Variants in SCUBE1 observed in about 807,000 individuals in gnomAD.
The protein encoded by SCUBE1 is signal peptide, CUB domain and EGF like domain containing 1.
SCUBE1 carries 59 observed loss-of-function variants against 124.4 expected under a neutral mutation model. The observed-to-expected ratio is 0.47, with a 90% CI of 0.38 to 0.59. SCUBE1 has a LOEUF of 0.59. Ranked by LOEUF, SCUBE1 falls within the 20% of genes least tolerant of loss-of-function variation. The probability of loss-of-function intolerance (pLI) is 0.00; values close to 1 mark genes in which losing one functional copy is unlikely to be tolerated. For missense variants in SCUBE1, 1,150 were observed against 1,371.2 expected (o/e 0.84, Z 2.55); for synonymous variants, 545 against 550.9 (o/e 0.99, Z 0.15).
intron 6 of SCUBE1, among the ~76,000 whole-genome samples, chr22:43,254,965 A>C (rs1478427552): frequency 1.3e-5 from 2 of 152,150 alleles, no homozygotes; most frequent in African/African-American, 4.8e-5. Flanking sequence ...TTTTTCCCTG[A>C]GAGGTCCTGG....
chr22:43,263,455 T>C (rs1022704411), intron 4 of SCUBE1, among the ~76,000 whole-genome samples: 2 of 152,206 alleles, frequency 1.3e-5, no homozygotes, highest in African/African-American at 2.4e-5. Context: ...CCACCAGCTC[T>C]GTGACCTGCC....
intron 6 of SCUBE1, among the ~76,000 whole-genome samples, chr22:43,256,194 G>C (rs1923655249): frequency 2.0e-5 from 3 of 152,228 alleles, no homozygotes; most frequent in Admixed American, 1.3e-4. Flanking sequence ...GGATCGATTT[G>C]GGCAGCGCTG....
chr22:43,253,868 G>T (rs907609526), intron 6 of SCUBE1, among the ~76,000 whole-genome samples: 1 of 152,188 alleles, frequency 6.6e-6, no homozygotes, highest in African/African-American at 2.4e-5. Flanking sequence ...AGTAGTGCCC[G>T]CTTCTTGTAA....
At chr22:43,342,073 C>T (rs1336978634) in intron 1 of SCUBE1, among the ~76,000 whole-genome samples, 18 of 152,016 alleles carry the variant, frequency 1.2e-4, no homozygotes, top group Admixed American at 1.2e-3. Flanking sequence ...GCGGGACCAC[C>T]AGGAATAGAC....
chr22:43,277,053 C>T lies in SCUBE1; in HGVS notation c.484+13993G>A, dbSNP rs534395179. Among the ~76,000 whole-genome samples the T allele has an allele frequency of 5.3e-5, 8 of 152,154 alleles. No individual in the cohort carries two copies. The East Asian group carries it at 1.6e-3, about 29-fold the overall frequency. ...GGGAGCAGAGACATGAGAGACAGGGCAGGGAGGCTGAGGGTGGAGGCCGAA... is the reference window on the plus strand; with the variant it reads ...GGGAGCAGAGACATGAGAGACAGGGTAGGGAGGCTGAGGGTGGAGGCCGAA... On this transcript the variant is annotated intron_variant, in intron 4 of 21. Transcript: ENST00000360835.
intron 4 of SCUBE1, among the ~76,000 whole-genome samples, chr22:43,264,823 T>C (rs533671221): frequency 6.6e-6 from 1 of 152,320 alleles, no homozygotes; most frequent in South Asian, 2.1e-4. Flanking sequence ...CTCTCCTATC[T>C]TCCATAAACT....
intron 2 of SCUBE1, among the ~76,000 whole-genome samples, chr22:43,336,508 A>C (rs12157882): frequency 0.082 from 12,470 of 152,234 alleles, 965 homozygotes; most frequent in African/African-American, 0.2. Flanking sequence ...CACGGCTACA[A>C]ATGTAAAAGA....
intron 2 of SCUBE1, among the ~76,000 whole-genome samples, chr22:43,324,234 G>T (rs1231746462): frequency 1.3e-5 from 2 of 152,158 alleles, no homozygotes; most frequent in African/African-American, 4.8e-5. Context: ...ATACCCATAA[G>T]GCATTATAAA....
chr22:43,334,626 A>G (rs974756035), intron 2 of SCUBE1, among the ~76,000 whole-genome samples: 2 of 144,654 alleles, frequency 1.4e-5, no homozygotes, highest in Non-Finnish European at 3.2e-5. Context: ...CATCACCACC[A>G]TCAACATTAT....
intron 9 of SCUBE1, 52 bp from the exon 10 acceptor site, chr22:43,227,548 G>A (rs748798587): frequency 1.9e-6 from 3 of 1,590,604 alleles, no homozygotes; most frequent in African/African-American, 1.3e-5. Flanking sequence ...GCTGGCGGCT[G>A]GCAGGGGAAG....
chr22:43,336,752 T>C (rs991763367), intron 2 of SCUBE1, among the ~76,000 whole-genome samples: 13 of 152,132 alleles, frequency 8.5e-5, no homozygotes, highest in Non-Finnish European at 1.6e-4. Flanking sequence ...CATGCATGTG[T>C]GTGCACGTGT....
At chr22:43,285,382 T>C (rs2413753) in intron 4 of SCUBE1, among the ~76,000 whole-genome samples, 136,723 of 152,242 alleles carry the variant, frequency 0.9, 61,492 homozygotes, top group East Asian at 0.99. Context: ...TTCCTTCCCC[T>C]CTCTGTCCTT....
In SCUBE1 at chr22:43,258,345, C is replaced by A. The variant is rs1205264771; in HGVS notation, c.611-10G>T. 6.3e-7 allele frequency: 1 copy of A among 1,587,588 alleles called. No homozygotes were observed. Among genetic ancestry groups the A allele is most frequent in the African/African-American group, 1.3e-5 (1 of 74,340 alleles). ...CCATAATTACAGGTTACTAGTTAGG[C>A]CCAAAGTGTACACACGGGTGTATAA... is the stretch of plus-strand genomic sequence containing the variant. On this transcript the variant is annotated splice_polypyrimidine_tract_variant and intron_variant, in intron 5 of 21. Coordinates refer to ENST00000360835, the MANE Select transcript of SCUBE1 (RefSeq NM_173050.5). The surrounding 1 kb of genome is among the most constrained non-coding windows in gnomAD (Gnocchi z 5.0).
rs1424353341 is a variant in SCUBE1, at chr22:43,199,323, G to A, written c.*4674C>T. 2 of 156,812 alleles carry A rather than the reference G, an allele frequency of 1.3e-5. No homozygotes were observed. The highest frequency in any genetic ancestry group is 2.4e-5 in the African/African-American group (1 of 40,966). The allele number at this position is 156,812 out of a possible 1,614,324, so 9.7% of individuals were successfully genotyped here. On this transcript the variant is annotated 3_prime_UTR_variant, in exon 22 of 22. Transcript: ENST00000360835. ...GCCAGGGGCCTCCTGCCGTGGACAAGCCCAGGGGACAGGCTTCACTGAGAC... is the reference window on the plus strand; with the variant it reads ...GCCAGGGGCCTCCTGCCGTGGACAAACCCAGGGGACAGGCTTCACTGAGAC...
chr22:43,233,648 A>C (rs943410709), intron 7 of SCUBE1: 1 of 152,224 alleles, frequency 6.6e-6, no homozygotes, highest in Non-Finnish European at 1.5e-5. Flanking sequence ...CACTTTAAAG[A>C]TGGCACTGAG....
At chr22:43,266,858 C>T (rs1414939577) in intron 4 of SCUBE1, among the ~76,000 whole-genome samples, 3 of 152,174 alleles carry the variant, frequency 2.0e-5, no homozygotes, top group South Asian at 4.1e-4. Flanking sequence ...TCGGAGCAGC[C>T]CCTCCACGAA....
intron 16 of SCUBE1, chr22:43,213,574 TC>T (rs773726043): frequency 6.6e-6 from 1 of 152,310 alleles, no homozygotes; most frequent in Non-Finnish European, 1.5e-5. Context: ...ATGCAAAAGC[TC>T]TTTGCAAACC....
intron 3 of SCUBE1, among the ~76,000 whole-genome samples, chr22:43,295,189 C>T (rs1448587899): frequency 6.6e-6 from 1 of 152,190 alleles, no homozygotes; most frequent in Non-Finnish European, 1.5e-5. Flanking sequence ...ACCTCCCTGG[C>T]CCCTCCATGC....
chr22:43,290,549 G>T (rs374818747), intron 4 of SCUBE1, among the ~76,000 whole-genome samples: 2 of 152,364 alleles, frequency 1.3e-5, no homozygotes, highest in Admixed American at 6.5e-5. Flanking sequence ...TCCCCAGGCT[G>T]GCCTGCCACA....
Sources: allele counts gnomAD v4.1 joint callset (sites outside exome capture counted in the v4.1 genomes callset), GRCh38; gene constraint gnomAD v4.1.1; non-coding constraint Gnocchi (gnomAD v3.1); transcripts MANE v1.5; gene names NCBI Gene and HGNC (gene_info 2026-07-23, HGNC 2026-07-21).